PPP1R16B: variants seen among roughly 807,000 people sequenced by gnomAD.
PPP1R16B encodes protein phosphatase 1 regulatory subunit 16B, also known as protein phosphatase 1 regulatory inhibitor subunit 16B.
PPP1R16B carries 14 observed loss-of-function variants against 61.7 expected under a neutral mutation model. The observed-to-expected ratio is 0.23, with a 90% CI of 0.15 to 0.35. PPP1R16B has a LOEUF of 0.35. Ranked by LOEUF, PPP1R16B falls within the 10% of genes least tolerant of loss-of-function variation. PPP1R16B has a pLI of 1.00. For synonymous variants in PPP1R16B, 266 were observed against 305.3 expected (o/e 0.87, Z 1.34); for missense variants, 547 against 752.5 (o/e 0.73, Z 3.19).
At chr20:38,865,730 C>A (rs1339147222) in intron 2 of PPP1R16B, among the ~76,000 whole-genome samples, 1 of 152,174 alleles carries the variant, frequency 6.6e-6, no homozygotes, top group African/African-American at 2.4e-5. Flanking sequence ...GGTGGCAGGG[C>A]CGGATTCCTA....
At position 38,907,563 on chromosome 20, in the gene PPP1R16B, G is replaced by C. The variant is rs958334300; in HGVS notation, c.899-243G>C. On this transcript the variant is annotated intron_variant, in intron 8 of 10. Coordinates refer to ENST00000299824, the MANE Select transcript of PPP1R16B (RefSeq NM_015568.4). The surrounding 1 kb of genome is among the most constrained non-coding windows in gnomAD (Gnocchi z 4.5). ...TATCAAAGAGCAACATGAATCCCTC[G>C]GTCATAGCTGGGAAGCTTAGGAATT... Among the ~76,000 whole-genome samples, 3 of 152,114 alleles carry C rather than the reference G, an allele frequency of 2.0e-5. No individual in the cohort carries two copies. The highest frequency in any genetic ancestry group is 7.2e-5 in the African/African-American group (3 of 41,416).
chr20:38,837,739 G>T (rs906355364), intron 2 of PPP1R16B, among the ~76,000 whole-genome samples: 1 of 151,844 alleles, frequency 6.6e-6, no homozygotes, highest in Admixed American at 6.6e-5. Flanking sequence ...GTAGGGATGG[G>T]ATTTCGCCAT....
chr20:38,907,326 G>T lies in PPP1R16B; in HGVS notation c.898+272G>T, dbSNP rs1440953705. On this transcript the variant is annotated intron_variant, in intron 8 of 10. Transcript: ENST00000299824. The surrounding 1 kb of genome is among the most constrained non-coding windows in gnomAD (Gnocchi z 4.5). ...GGGTGGGTGGGTGGATGGATGGATG[G>T]ATGGATGGATGGATGGATGGATAGA... is the stretch of plus-strand genomic sequence containing the variant. 1.4e-5 allele frequency among the ~76,000 whole-genome samples: 2 copies of T among 145,892 alleles called. No individual in the cohort carries two copies. Among genetic ancestry groups the T allele is most frequent in the Admixed American group, 6.6e-5 (1 of 15,050 alleles).
At chr20:38,824,752 G>T (rs982596883) in intron 1 of PPP1R16B, among the ~76,000 whole-genome samples, 1 of 152,266 alleles carries the variant, frequency 6.6e-6, no homozygotes, top group African/African-American at 2.4e-5. Flanking sequence ...ATCCCAGGCT[G>T]GGCATGGCGG....
At chr20:38,892,110 A>T (rs1331667708) in intron 3 of PPP1R16B, among the ~76,000 whole-genome samples, 1 of 152,196 alleles carries the variant, frequency 6.6e-6, no homozygotes, top group Non-Finnish European at 1.5e-5. Context: ...TTAAGTCAGG[A>T]TTTGAAACAA....
chr20:38,825,960 C>T (rs1462876768), intron 1 of PPP1R16B, among the ~76,000 whole-genome samples: 1 of 152,186 alleles, frequency 6.6e-6, no homozygotes, highest in Non-Finnish European at 1.5e-5. Flanking sequence ...GCTTCGTAAT[C>T]CCTCTCCTCA....
intron 2 of PPP1R16B, among the ~76,000 whole-genome samples, chr20:38,882,551 C>T (rs575901212): frequency 6.6e-6 from 1 of 152,158 alleles, no homozygotes; most frequent in Middle Eastern, 3.4e-3. Context: ...TGGCCTCACT[C>T]GATTTTGTAC....
At chr20:38,890,037 C>CT (rs1177755165) in intron 3 of PPP1R16B, among the ~76,000 whole-genome samples, 10 of 152,338 alleles carry the variant, frequency 6.6e-5, no homozygotes, top group Non-Finnish European at 1.0e-4. Context: ...GTTGGCGGGA[C>CT]TTATGTGACC....
chr20:38,899,184 G>A (rs926829216), intron 4 of PPP1R16B, among the ~76,000 whole-genome samples: 3 of 152,188 alleles, frequency 2.0e-5, no homozygotes, highest in Admixed American at 6.5e-5. Context: ...CTTGCTCTGG[G>A]GTGTACGAAA....
chr20:38,891,153 G>T (rs1040664679), intron 3 of PPP1R16B, among the ~76,000 whole-genome samples: 14 of 152,194 alleles, frequency 9.2e-5, no homozygotes, highest in African/African-American at 3.4e-4. Context: ...TGGGCATGAG[G>T]ATCAAATGTG....
Position 38,918,005 on chromosome 20 carries a change from G to C in PPP1R16B, c.1195-152G>C. The C allele has an allele frequency of 9.2e-7, 1 of 1,081,956 alleles. No individual in the cohort carries two copies. The highest frequency in any genetic ancestry group is 1.3e-6 in the Non-Finnish European group (1 of 753,030). The allele number at this position is 1,081,956 out of a possible 1,614,324, so 67.0% of individuals were successfully genotyped here. The stretch of plus-strand genomic sequence containing the variant: ...AACTGTACGGAAATTCATAGATTGG[G>C]GGTTCCCCAAAGGAAAACCCTGGCC... On this transcript the variant is annotated intron_variant, in intron 10 of 10. Transcript: ENST00000299824. The surrounding 1 kb of genome is among the most constrained non-coding windows in gnomAD (Gnocchi z 5.3).
At chr20:38,816,532 G>A (rs540328532) in intron 1 of PPP1R16B, among the ~76,000 whole-genome samples, 3 of 152,300 alleles carry the variant, frequency 2.0e-5, no homozygotes, top group South Asian at 4.1e-4. Flanking sequence ...AAAAGAATAG[G>A]TCCATGTAGA....
chr20:38,846,970 C>A (rs950226769), intron 2 of PPP1R16B, among the ~76,000 whole-genome samples: 1 of 151,812 alleles, frequency 6.6e-6, no homozygotes, highest in Non-Finnish European at 1.5e-5. Context: ...CCACTGCACT[C>A]CAGCCCAGGT....
Position 38,920,072 on chromosome 20 carries a change from A to G in PPP1R16B, c.*1406A>G, listed in dbSNP as rs1437213752. The stretch of plus-strand genomic sequence containing the variant: ...CAATATCCCCTCCTGCATTCAGGAG[A>G]GCCATGGTAGGGCTAGAGTTGGGTC... On this transcript the variant is annotated 3_prime_UTR_variant, in exon 11 of 11. Coordinates refer to ENST00000299824, the MANE Select transcript of PPP1R16B (RefSeq NM_015568.4). The G allele has an allele frequency of 6.6e-6, 1 of 152,260 alleles. No homozygotes were observed. The highest frequency in any genetic ancestry group is 1.5e-5 in the Non-Finnish European group (1 of 68,042). 9.4% of individuals were successfully genotyped at this position (152,260 alleles called of 1,614,324 possible). A position where few individuals can be genotyped will look rare whatever the true frequency, so the allele number is the denominator to read the frequency against.
intron 2 of PPP1R16B, among the ~76,000 whole-genome samples, chr20:38,851,714 G>T (rs1456298171): frequency 1.3e-5 from 2 of 151,686 alleles, no homozygotes; most frequent in African/African-American, 4.8e-5. Context: ...CTTAACAATG[G>T]ATGGTGTTAT....
intron 10 of PPP1R16B, among the ~76,000 whole-genome samples, chr20:38,917,237 G>T (rs894675197): frequency 6.6e-6 from 1 of 151,478 alleles, no homozygotes; most frequent in South Asian, 2.1e-4. Context: ...CAGAGGTTGC[G>T]GTGAGCAGAG....
chr20:38,909,788 C>T (rs2085474551), intron 10 of PPP1R16B, among the ~76,000 whole-genome samples: 1 of 152,178 alleles, frequency 6.6e-6, no homozygotes, highest in South Asian at 2.1e-4. Context: ...ACATCAAAGC[C>T]ACCAGCTGGT....
chr20:38,909,948 T>C (rs2085475678), intron 10 of PPP1R16B, among the ~76,000 whole-genome samples: 1 of 152,212 alleles, frequency 6.6e-6, no homozygotes, highest in South Asian at 2.1e-4. Context: ...GTGGTGTAAC[T>C]TAAGTATGGT....
chr20:38,839,356 C>T (rs1456129101), intron 2 of PPP1R16B, among the ~76,000 whole-genome samples: 3 of 152,196 alleles, frequency 2.0e-5, no homozygotes, highest in Non-Finnish European at 4.4e-5. Context: ...GGTGATAACG[C>T]ACTTTATTTT....
Sources: gnomAD v4.1 joint callset for allele counts (sites outside exome capture counted in the v4.1 genomes callset) on GRCh38, gnomAD v4.1.1 for gene constraint, Gnocchi (gnomAD v3.1) non-coding constraint, MANE v1.5 for transcripts, NCBI Gene and HGNC (gene_info 2026-07-23, HGNC 2026-07-21) for gene names.